TBL1XR1: variants seen among roughly 807,000 people sequenced by gnomAD.
TBL1XR1 encodes F-box-like/WD repeat-containing protein TBL1XR1.
In TBL1XR1, 5 loss-of-function variants were observed where a neutral mutation model predicts 66.9. The ratio of observed to expected loss-of-function variants is 0.07; its 90% CI spans 0.04 to 0.16. TBL1XR1 has a LOEUF of 0.16. TBL1XR1 is among the 10% of genes least tolerant of loss of function. The pLI is 1.00. For missense variants in TBL1XR1, 238 were observed against 623.2 expected (o/e 0.38, Z 6.58); for synonymous variants, 210 against 206.0 (o/e 1.02, Z -0.17).
intron 1 of TBL1XR1, among the ~76,000 whole-genome samples, chr3:177,180,639 C>A (rs1207554082): frequency 2.0e-5 from 3 of 152,080 alleles, no homozygotes; most frequent in Non-Finnish European, 4.4e-5. Context: ...ATGCGTCATC[C>A]TCTACTTTGG....
chr3:177,119,791 G>A (rs1479189629), intron 1 of TBL1XR1, among the ~76,000 whole-genome samples: 3 of 152,212 alleles, frequency 2.0e-5, no homozygotes, highest in Admixed American at 1.3e-4. Flanking sequence ...ACATTCCAAA[G>A]AATCCTTGGT....
chr3:177,083,870 A>G (rs548557859), intron 2 of TBL1XR1, among the ~76,000 whole-genome samples: 19 of 152,106 alleles, frequency 1.2e-4, no homozygotes, highest in African/African-American at 3.6e-4. Flanking sequence ...CGGGTGGATC[A>G]CGAGGTCAGG....
intron 1 of TBL1XR1, among the ~76,000 whole-genome samples, chr3:177,119,250 G>C (rs1418580645): frequency 1.3e-5 from 2 of 152,138 alleles, no homozygotes; most frequent in Non-Finnish European, 2.9e-5. Flanking sequence ...TGGGATTACA[G>C]GCGTGAGCCA....
At chr3:177,083,795 A>C (rs919012699) in intron 2 of TBL1XR1, among the ~76,000 whole-genome samples, 2 of 150,100 alleles carry the variant, frequency 1.3e-5, no homozygotes, top group Admixed American at 6.6e-5. Flanking sequence ...TTGTTTTTTT[A>C]AAGGAAAAAC....
chr3:177,079,744 G>A (rs529133896), intron 2 of TBL1XR1: 1 of 150,752 alleles, frequency 6.6e-6, no homozygotes, highest in South Asian at 2.1e-4. Context: ...GAAAATAAGA[G>A]TTAGACAAGA....
At chr3:177,167,446 A>C (rs1315488237) in intron 1 of TBL1XR1, among the ~76,000 whole-genome samples, 4 of 152,220 alleles carry the variant, frequency 2.6e-5, no homozygotes, top group Non-Finnish European at 4.4e-5. Context: ...AGAACGTACA[A>C]CACCAAGAGT....
chr3:177,109,095 T>G (rs1484066567), intron 1 of TBL1XR1, among the ~76,000 whole-genome samples: 2 of 152,190 alleles, frequency 1.3e-5, no homozygotes, highest in African/African-American at 4.8e-5. Context: ...TAAATCATAA[T>G]CTAATTCACA....
chr3:177,194,064 C>G (rs569965459), intron 1 of TBL1XR1: 2 of 152,322 alleles, frequency 1.3e-5, no homozygotes, highest in East Asian at 3.9e-4. Context: ...GCACTCTTAC[C>G]GAATCCAATC....
intron 1 of TBL1XR1, among the ~76,000 whole-genome samples, chr3:177,174,243 G>C (rs546698659): frequency 6.6e-6 from 1 of 151,622 alleles, no homozygotes; most frequent in Non-Finnish European, 1.5e-5. Flanking sequence ...CCCGTCTGTA[G>C]TAAAAATACA....
intron 2 of TBL1XR1, among the ~76,000 whole-genome samples, chr3:177,088,200 C>T (rs1231166322): frequency 6.6e-6 from 1 of 152,004 alleles, no homozygotes; most frequent in African/African-American, 2.4e-5. Flanking sequence ...ATTGAGCACC[C>T]CAATCTAAAA....
intron 1 of TBL1XR1, among the ~76,000 whole-genome samples, chr3:177,138,735 C>T (rs1729285075): frequency 6.6e-6 from 1 of 151,870 alleles, no homozygotes; most frequent in African/African-American, 2.4e-5. Flanking sequence ...ATAAAAGGGG[C>T]TGGAAGCAAA....
intron 5 of TBL1XR1, 70 bp downstream of exon 5, chr3:177,051,434 C>G (rs1717072502): frequency 7.1e-7 from 1 of 1,406,960 alleles, no homozygotes; most frequent in East Asian, 2.5e-5. Context: ...CACATGTACC[C>G]CGAATTAAAA....
At chr3:177,150,914 A>G (rs921971954) in intron 1 of TBL1XR1, among the ~76,000 whole-genome samples, 1 of 152,246 alleles carries the variant, frequency 6.6e-6, no homozygotes, top group African/African-American at 2.4e-5. Context: ...AGAATCTGAG[A>G]TCGGACCTCA....
In TBL1XR1 at chr3:177,069,793, A is replaced by AAAAGGAAGGAAGGAAGGAAGG. The variant is rs1553824721; in HGVS notation, c.-45-4772_-45-4771insCCTTCCTTCCTTCCTTCCTTT. Among the ~76,000 whole-genome samples the AAAAGGAAGGAAGGAAGGAAGG allele has an allele frequency of 1.2e-4, 11 of 92,418 alleles. No individual in the cohort carries two copies. In the East Asian group the frequency reaches 3.1e-3, roughly 26 times the overall value. The allele number at this position is 92,418 out of a possible 152,430, so 60.6% of individuals were successfully genotyped here. A position where few individuals can be genotyped will look rare whatever the true frequency, so the allele number is the denominator to read the frequency against. ...GGAAGGAAAGGAAGGAAAAGGAAGG[A>AAAAGGAAGGAAGGAAGGAAGG]AAGGAAGGAAGGAAGGAAGGAAGGA... On this transcript the variant is annotated intron_variant, in intron 2 of 15. Transcript: ENST00000457928.
At chr3:177,076,610 T>C (rs1720736992) in intron 2 of TBL1XR1, among the ~76,000 whole-genome samples, 1 of 152,166 alleles carries the variant, frequency 6.6e-6, no homozygotes, top group Admixed American at 6.5e-5. Flanking sequence ...GATTCCATCA[T>C]TTGCCCCTTC....
intron 1 of TBL1XR1, among the ~76,000 whole-genome samples, chr3:177,176,974 T>C (rs1176228526): frequency 2.0e-5 from 3 of 152,158 alleles, no homozygotes; most frequent in Non-Finnish European, 4.4e-5. Context: ...AGGGAAGCCA[T>C]CTCAATTTTT....
intron 1 of TBL1XR1, among the ~76,000 whole-genome samples, chr3:177,146,741 CA>C (rs940254688): frequency 6.6e-6 from 1 of 152,006 alleles, no homozygotes; most frequent in African/African-American, 2.4e-5. Context: ...TCACTGGCAA[CA>C]AATACCGTCC....
chr3:177,118,771 A>G (rs62296573), intron 1 of TBL1XR1, among the ~76,000 whole-genome samples: 2,559 of 152,296 alleles, frequency 0.017, 44 homozygotes, highest in African/African-American at 0.02. Flanking sequence ...TGAATACATT[A>G]TAATATATGG....
At chr3:177,183,648 C>G (rs1481983865) in intron 1 of TBL1XR1, among the ~76,000 whole-genome samples, 1 of 151,406 alleles carries the variant, frequency 6.6e-6, no homozygotes, top group Non-Finnish European at 1.5e-5. Flanking sequence ...GCTGGGATTA[C>G]AGGCACCCGC....
Sources: gnomAD v4.1 joint callset for allele counts (sites outside exome capture counted in the v4.1 genomes callset) on GRCh38, gnomAD v4.1.1 for gene constraint, MANE v1.5 for transcripts, NCBI Gene and HGNC (gene_info 2026-07-23, HGNC 2026-07-21) for gene names.